Variants in KDELR2 observed in about 807,000 individuals in gnomAD.
KDELR2 encodes the protein KDEL endoplasmic reticulum protein retention receptor 2, also known as ER lumen protein-retaining receptor 2.
In KDELR2, 15 loss-of-function variants were observed where a neutral mutation model predicts 23.9. The observed-to-expected ratio is 0.63, with a 90% CI of 0.42 to 0.97. The LOEUF is 0.97. Ranked by LOEUF, KDELR2 falls within the 50% of genes least tolerant of loss-of-function variation. The pLI is 0.00. For synonymous variants in KDELR2, 119 were observed against 106.2 expected (o/e 1.12, Z -0.74); for missense variants, 272 against 254.6 (o/e 1.07, Z -0.46).
At position 6,471,327 on chromosome 7, in the gene KDELR2, G is replaced by A. The variant is rs973036277; in HGVS notation, c.193-1573C>T. The stretch of plus-strand genomic sequence containing the variant: ...CTCCCAAGTAGCTGGGATTACAAGC[G>A]CCTGCCACCATGCCCAGCTAATTTT... On this transcript the variant is annotated intron_variant, in intron 2 of 4. Transcript: ENST00000258739. 6.6e-5 allele frequency among the ~76,000 whole-genome samples: 10 copies of A among 151,208 alleles called. No individual in the cohort carries two copies. In the East Asian group the frequency reaches 1.0e-3, roughly 15 times the overall value.
In KDELR2 at chr7:6,462,739, A is replaced by G; in HGVS notation, c.*402T>C. 2 of 418,534 alleles carry G rather than the reference A, an allele frequency of 4.8e-6. No homozygotes were observed. The highest frequency in any genetic ancestry group is 4.2e-6 in the Non-Finnish European group (1 of 237,542). The allele number at this position is 418,534 out of a possible 1,614,324, so 25.9% of individuals were successfully genotyped here. A position where few individuals can be genotyped will look rare whatever the true frequency, so the allele number is the denominator to read the frequency against. On this transcript the variant is annotated 3_prime_UTR_variant, in exon 5 of 5. Coordinates refer to ENST00000258739, the MANE Select transcript of KDELR2 (RefSeq NM_006854.4). The stretch of plus-strand genomic sequence containing the variant: ...AAGTTTGAGGGATGGAAGAATATAT[A>G]ATCTATCAACTGTCAAGGAGTACAA...
intron 1 of KDELR2, among the ~76,000 whole-genome samples, chr7:6,476,349 TAC>T (rs1294135172): frequency 6.6e-6 from 1 of 152,162 alleles, no homozygotes; most frequent in Non-Finnish European, 1.5e-5. Flanking sequence ...GATTTCTTCC[TAC>T]AGAGACCAAT....
chr7:6,471,176 G>GTTTTT (rs1161325162), intron 2 of KDELR2, among the ~76,000 whole-genome samples: 15 of 72,612 alleles, frequency 2.1e-4, no homozygotes, highest in South Asian at 5.9e-4. Context: ...ATTTGTTTCG[G>GTTTTT]TTTTTTTTTT....
chr7:6,483,731 A>G (rs1359480173), intron 1 of KDELR2, among the ~76,000 whole-genome samples: 1 of 152,138 alleles, frequency 6.6e-6, no homozygotes, highest in South Asian at 2.1e-4. Flanking sequence ...CGACAGCTCA[A>G]GTTCACGCGG....
intron 2 of KDELR2, among the ~76,000 whole-genome samples, chr7:6,471,224 C>G (rs1177088905): frequency 2.3e-5 from 3 of 130,782 alleles, no homozygotes; most frequent in Non-Finnish European, 4.8e-5. Flanking sequence ...CTCTGTCGCC[C>G]AGGCTGGAGT....
chr7:6,471,250 C>A (rs1270499985), intron 2 of KDELR2, among the ~76,000 whole-genome samples: 2 of 122,742 alleles, frequency 1.6e-5, no homozygotes, highest in East Asian at 5.2e-4. Context: ...GGCACAATCT[C>A]GGCTCACTGC....
rs1463594088 is a variant in KDELR2, at chr7:6,461,606, C to T, written c.*1535G>A. On this transcript the variant is annotated 3_prime_UTR_variant, in exon 5 of 5. Coordinates refer to ENST00000258739, the MANE Select transcript of KDELR2 (RefSeq NM_006854.4). ...GGAGGGAAGAGTAAAATGAGGGAGA[C>T]AGACAGGAAGTTAAACTATGCAGTT... is the stretch of plus-strand genomic sequence containing the variant. 1 of 151,432 alleles carries T rather than the reference C, an allele frequency of 6.6e-6. No individual in the cohort carries two copies. Among genetic ancestry groups the T allele is most frequent in the East Asian group, 1.9e-4 (1 of 5,182 alleles). 9.4% of individuals were successfully genotyped at this position (151,432 alleles called of 1,614,324 possible). A position where few individuals can be genotyped will look rare whatever the true frequency, so the allele number is the denominator to read the frequency against.
At chr7:6,481,966 G>T (rs1297944684) in intron 1 of KDELR2, among the ~76,000 whole-genome samples, 1 of 147,750 alleles carries the variant, frequency 6.8e-6, no homozygotes, top group African/African-American at 2.5e-5. Flanking sequence ...ACCTCCTAAG[G>T]TCGTTTATTT....
At position 6,465,486 on chromosome 7, in the gene KDELR2, T is replaced by TAG. The variant is rs397767488; in HGVS notation, c.604+584_604+585insCT. On this transcript the variant is annotated intron_variant, in intron 4 of 4. Transcript: ENST00000258739. ...CGTGAGCCACTGCACCTGGCATAAA[T>TAG]GTTTTTTTTTTTCTGAACAAGGATG... Among the ~76,000 whole-genome samples, 52 of 141,278 alleles carry TAG rather than the reference T, an allele frequency of 3.7e-4. No individual in the cohort carries two copies. In the South Asian group the frequency reaches 0.011, roughly 29 times the overall value. The allele number at this position is 141,278 out of a possible 152,430, so 92.7% of individuals were successfully genotyped here. A position where few individuals can be genotyped will look rare whatever the true frequency, so the allele number is the denominator to read the frequency against.
At chr7:6,471,734 GT>G (rs1785647586) in intron 2 of KDELR2, among the ~76,000 whole-genome samples, 1 of 152,124 alleles carries the variant, frequency 6.6e-6, no homozygotes, top group South Asian at 2.1e-4. Context: ...GCACCAGTTT[GT>G]TTATTCACTC....
chr7:6,478,405 C>T (rs1785801585), intron 1 of KDELR2, among the ~76,000 whole-genome samples: 1 of 152,078 alleles, frequency 6.6e-6, no homozygotes, highest in African/African-American at 2.4e-5. Flanking sequence ...GCTTTGACCT[C>T]CCAAAGCGCT....
In KDELR2 at chr7:6,471,175, G is replaced by GT. The variant is rs1562500241; in HGVS notation, c.193-1422_193-1421insA. Among the ~76,000 whole-genome samples, 162 of 117,184 alleles carry GT rather than the reference G, an allele frequency of 1.4e-3. 2 individuals are homozygous for GT. Among genetic ancestry groups the GT allele is most frequent in the African/African-American group, 4.6e-3 (151 of 32,880 alleles). 76.9% of individuals were successfully genotyped at this position (117,184 alleles called of 152,430 possible). A position where few individuals can be genotyped will look rare whatever the true frequency, so the allele number is the denominator to read the frequency against. On this transcript the variant is annotated intron_variant, in intron 2 of 4. Transcript: ENST00000258739. ...TAAATGTATAGCTCACATTTGTTTC[G>GT]GTTTTTTTTTTTTTTTTTTTTTTTG...
At position 6,461,152 on chromosome 7, in the gene KDELR2, G is replaced by A. The variant is rs1187079101; in HGVS notation, c.*1989C>T. 2.0e-5 allele frequency: 3 copies of A among 152,144 alleles called. No homozygotes were observed. Among genetic ancestry groups the A allele is most frequent in the Non-Finnish European group, 4.4e-5 (3 of 68,032 alleles). The allele number at this position is 152,144 out of a possible 1,614,324, so 9.4% of individuals were successfully genotyped here. ...ACTGTGAAACAGTGCTTCATAAGGC[G>A]TGGCATACAAGGCCTTGGTTTCCAA... On this transcript the variant is annotated 3_prime_UTR_variant, in exon 5 of 5. Transcript: ENST00000258739.
rs555492980 is a variant in KDELR2, at chr7:6,468,740, G to A, written c.351+856C>T. Among the ~76,000 whole-genome samples, 3 of 151,958 alleles carry A rather than the reference G, an allele frequency of 2.0e-5. No homozygotes were observed. In the South Asian group the frequency reaches 6.2e-4, roughly 32 times the overall value. On this transcript the variant is annotated intron_variant, in intron 3 of 4. Coordinates refer to ENST00000258739, the MANE Select transcript of KDELR2 (RefSeq NM_006854.4). ...TGGATGGTCTCAATCCCTTGACTTC[G>A]TGTCCCACCTGCCTCAGCCTCCCAA...
chr7:6,469,661 C>T lies in KDELR2; in HGVS notation c.286G>A (p.Glu96Lys). ...YDGNHDTFRV[E>K]FLVVPVGGLS... The stretch of plus-strand genomic sequence containing the variant: ...CCTCCCACAGGGACCACCAGAAACT[C>T]CACTCGGAAGGTATCATGATTTCCA... The change falls in exon 3 of 5, where the codon GAG (glutamate) becomes AAG (lysine). Residue 96 changes from glutamate to lysine, a missense_variant. Coordinates refer to ENST00000258739, the MANE Select transcript of KDELR2 (RefSeq NM_006854.4). The T allele has an allele frequency of 1.9e-6, 3 of 1,614,082 alleles. No individual in the cohort carries two copies. The highest frequency in any genetic ancestry group is 2.5e-6 in the Non-Finnish European group (3 of 1,179,972).
At chr7:6,464,302 C>A (rs551893131) in intron 4 of KDELR2, among the ~76,000 whole-genome samples, 1 of 139,962 alleles carries the variant, frequency 7.1e-6, no homozygotes, top group Non-Finnish European at 1.5e-5. Context: ...GTGCGGATCA[C>A]GAGGTTGGGA....
chr7:6,467,918 G>A (rs1234696190), intron 3 of KDELR2, among the ~76,000 whole-genome samples: 2 of 152,150 alleles, frequency 1.3e-5, no homozygotes, highest in Non-Finnish European at 2.9e-5. Flanking sequence ...AGTACTAGGG[G>A]CACCACAAAC....
At chr7:6,483,920 C>T in intron 1 of KDELR2, 47 bp downstream of exon 1, 2 of 1,398,068 alleles carry the variant, frequency 1.4e-6, no homozygotes, top group Non-Finnish European at 1.9e-6. Context: ...CTCGGCGAGA[C>T]CCGGCCCCCA....
At position 6,469,749 on chromosome 7, in the gene KDELR2, G is replaced by A. The variant is rs1270074400; in HGVS notation, c.198C>T (p.Ile66=). 2.5e-6 allele frequency: 4 copies of A among 1,608,158 alleles called. No homozygotes were observed. In the Admixed American group the frequency reaches 5.1e-5, roughly 21 times the overall value. Residue 66 remains isoleucine, a synonymous_variant, in exon 3 of 5, where the codon ATC becomes ATT. Transcript: ENST00000258739. ...CTGTGGCATAGGAGCAGGCAAGGTA[G>A]ATAACCTACAAATAAAAGAAAAAAC... The part of the protein sequence containing the change: ...ISLYNTSMKV[I]YLACSYATVY...
Sources: allele counts gnomAD v4.1 joint callset (sites outside exome capture counted in the v4.1 genomes callset), GRCh38; gene constraint gnomAD v4.1.1; transcripts MANE v1.5; gene names NCBI Gene and HGNC (gene_info 2026-07-23, HGNC 2026-07-21).